The following TMEM117 variants were observed in gnomAD, a reference collection of about 807,000 sequenced individuals.
TMEM117 encodes transmembrane protein 117.
Under a neutral mutation model 52.4 loss-of-function variants are expected in TMEM117, and 27 were observed. That is an observed-to-expected ratio of 0.51 (90% CI 0.38 to 0.71). TMEM117 has a LOEUF of 0.71. Ranked by LOEUF, TMEM117 falls within the 30% of genes least tolerant of loss-of-function variation. The pLI, the probability that TMEM117 is intolerant of heterozygous loss-of-function variation, is 0.00. For synonymous variants in TMEM117, 215 were observed against 206.3 expected (o/e 1.04, Z -0.36); for missense variants, 556 against 630.5 (o/e 0.88, Z 1.26).
At chr12:44,261,299 A>C (rs1044011408) in intron 5 of TMEM117, among the ~76,000 whole-genome samples, 9 of 152,318 alleles carry the variant, frequency 5.9e-5, no homozygotes, top group Middle Eastern at 3.4e-3. Flanking sequence ...ATTATTGCTT[A>C]ATCAGTAAAT....
At chr12:44,108,396 C>A (rs1332552574) in intron 3 of TMEM117, among the ~76,000 whole-genome samples, 1 of 105,132 alleles carries the variant, frequency 9.5e-6, no homozygotes, top group Non-Finnish European at 1.9e-5. Context: ...TGATATTCCC[C>A]TTCCTGTGTC....
At chr12:44,258,338 C>T (rs2138532376) in intron 5 of TMEM117, among the ~76,000 whole-genome samples, 1 of 152,248 alleles carries the variant, frequency 6.6e-6, no homozygotes, top group South Asian at 2.1e-4. Context: ...GCCGTGGCCT[C>T]ATTGAGTAAT....
rs1273765088 is a variant in TMEM117 at position 44,311,769 on chromosome 12, GTA to G, written c.768+12036_768+12037del. ...TATGTGTATATATGTATATATATAT[GTA>G]TATATGTGTATATATGTATATATAT... is the stretch of plus-strand genomic sequence containing the variant. On this transcript the variant is annotated intron_variant, in intron 6 of 7. Coordinates refer to ENST00000266534, the MANE Select transcript of TMEM117 (RefSeq NM_032256.3). Among the ~76,000 whole-genome samples the G allele has an allele frequency of 1.4e-3, 176 of 122,062 alleles. 6 individuals are homozygous for G. The highest frequency in any genetic ancestry group is 5.8e-3 in the African/African-American group (171 of 29,486). 80.1% of individuals were successfully genotyped at this position (122,062 alleles called of 152,430 possible).
chr12:44,017,131 A>G (rs1447181505), intron 3 of TMEM117, among the ~76,000 whole-genome samples: 2 of 152,124 alleles, frequency 1.3e-5, no homozygotes, highest in Non-Finnish European at 2.9e-5. Context: ...AATAATGTTT[A>G]GTAAAGATGA....
chr12:44,113,864 C>G (rs577762809), intron 3 of TMEM117, among the ~76,000 whole-genome samples: 2 of 57,452 alleles, frequency 3.5e-5, no homozygotes, highest in Admixed American at 3.9e-4. Flanking sequence ...AGCGAGATTC[C>G]GTGGGCGTAG....
At chr12:44,040,404 C>T (rs2137894247) in intron 3 of TMEM117, among the ~76,000 whole-genome samples, 1 of 152,216 alleles carries the variant, frequency 6.6e-6, no homozygotes, top group Non-Finnish European at 1.5e-5. Flanking sequence ...TTTTGTGCGA[C>T]TGTTATAAAT....
chr12:43,875,220 AGTGTGTGTGTGT>A (rs63614060), intron 2 of TMEM117, among the ~76,000 whole-genome samples: 4 of 148,144 alleles, frequency 2.7e-5, no homozygotes, highest in Non-Finnish European at 4.5e-5. Flanking sequence ...ATGGTGGGGA[AGTGTGTGTGTGT>A]GTGTGTGTGT....
chr12:43,856,415 A>C (rs775462338), intron 2 of TMEM117, among the ~76,000 whole-genome samples: 14 of 152,178 alleles, frequency 9.2e-5, no homozygotes, highest in Non-Finnish European at 1.9e-4. Context: ...AACAGAATTT[A>C]AGTTAGAGAA....
At chr12:43,971,491 T>C (rs1245712556) in intron 3 of TMEM117, among the ~76,000 whole-genome samples, 1 of 152,230 alleles carries the variant, frequency 6.6e-6, no homozygotes, top group Non-Finnish European at 1.5e-5. Flanking sequence ...ACTTTCTTTT[T>C]CAAACCTCTA....
At chr12:43,891,953 A>G (rs1944113830) in intron 2 of TMEM117, among the ~76,000 whole-genome samples, 1 of 152,160 alleles carries the variant, frequency 6.6e-6, no homozygotes, top group Non-Finnish European at 1.5e-5. Context: ...CTACACTGTC[A>G]ATATCTCTCT....
the TMEM117 span, among the ~76,000 whole-genome samples, chr12:44,396,927 C>T: frequency 3.9e-5 from 6 of 152,020 alleles, no homozygotes; most frequent in Non-Finnish European, 7.4e-5. Flanking sequence ...ATCTGATCCT[C>T]TCCATGATAG....
intron 4 of TMEM117, 141 bp downstream of exon 4, chr12:44,143,765 C>A: frequency 1.6e-6 from 1 of 606,920 alleles, no homozygotes; most frequent in Non-Finnish European, 2.8e-6. Context: ...AAAGATAATT[C>A]CAGAGATTAT....
chr12:44,106,515 G>C (rs542407608), intron 3 of TMEM117, among the ~76,000 whole-genome samples: 2 of 152,164 alleles, frequency 1.3e-5, no homozygotes, highest in South Asian at 2.1e-4. Context: ...TTGGTACAAA[G>C]AGTATTAAGT....
intron 6 of TMEM117, among the ~76,000 whole-genome samples, chr12:44,324,666 T>G (rs893301988): frequency 2.0e-5 from 3 of 152,150 alleles, no homozygotes; most frequent in Non-Finnish European, 4.4e-5. Context: ...GTGCACATAA[T>G]TCATATATAT....
intron 6 of TMEM117, among the ~76,000 whole-genome samples, chr12:44,319,576 T>A (rs1951104483): frequency 6.6e-6 from 1 of 152,222 alleles, no homozygotes; most frequent in South Asian, 2.1e-4. Flanking sequence ...TGCATTTGAA[T>A]TAAAATGTAT....
At chr12:44,153,254 A>G (rs1948780812) in intron 4 of TMEM117, among the ~76,000 whole-genome samples, 1 of 152,088 alleles carries the variant, frequency 6.6e-6, no homozygotes, top group Admixed American at 6.6e-5. Flanking sequence ...ATATGGCAGT[A>G]TGAATGGCAG....
At chr12:44,251,585 A>G (rs1223403612) in intron 5 of TMEM117, among the ~76,000 whole-genome samples, 1 of 152,182 alleles carries the variant, frequency 6.6e-6, no homozygotes, top group African/African-American at 2.4e-5. Context: ...ATTACTTTAT[A>G]TGTAAGATGG....
chr12:43,822,912 A>G, the TMEM117 span, among the ~76,000 whole-genome samples: 148 of 152,200 alleles, frequency 9.7e-4, 1 homozygote, highest in African/African-American at 3.5e-3. Flanking sequence ...GAAAAAAAAA[A>G]AAAGGGTAAT....
chr12:44,038,794 AAATGCTTTGAATATT>A (rs1767440500), intron 3 of TMEM117, among the ~76,000 whole-genome samples: 1 of 152,226 alleles, frequency 6.6e-6, no homozygotes, highest in Non-Finnish European at 1.5e-5. Flanking sequence ...GGAGTTGTTT[AAATGCTTTGAATATT>A]AATCTTTTTT....
Sources: allele counts gnomAD v4.1 joint callset (sites outside exome capture counted in the v4.1 genomes callset), GRCh38; gene constraint gnomAD v4.1.1; transcripts MANE v1.5; gene names NCBI Gene and HGNC (gene_info 2026-07-23, HGNC 2026-07-21).